DNAH11: variants seen among roughly 807,000 people sequenced by gnomAD.
DNAH11 encodes axonemal beta dynein heavy chain 11.
A neutral mutation model predicts 526.0 loss-of-function variants in DNAH11; 442 were observed. The ratio of observed to expected loss-of-function variants is 0.84; its 90% confidence interval spans 0.78 to 0.91. The LOEUF (loss-of-function observed/expected upper bound fraction) is 0.91. DNAH11 is among the 40% of genes least tolerant of loss of function. The pLI is 0.00. For missense variants in DNAH11, 6,989 were observed against 5,448.7 expected (o/e 1.28, Z -8.90); for synonymous variants, 2,461 against 1,935.9 (o/e 1.27, Z -7.12).
intron 28 of DNAH11, among the ~76,000 whole-genome samples, chr7:21,649,564 G>A (rs776003795): frequency 1.4e-4 from 21 of 152,002 alleles, no homozygotes; most frequent in Non-Finnish European, 2.2e-4. Context: ...TACGTACTAT[G>A]TGAATTCACT....
At chr7:21,877,126 TC>T (rs2128040550) in intron 74 of DNAH11, among the ~76,000 whole-genome samples, 1 of 152,342 alleles carries the variant, frequency 6.6e-6, no homozygotes, top group East Asian at 1.9e-4. Context: ...GACCAGTTGT[TC>T]CTGTTGCCTG....
chr7:21,803,011 T>G (rs1789064653), intron 62 of DNAH11, among the ~76,000 whole-genome samples: 1 of 151,554 alleles, frequency 6.6e-6, no homozygotes, highest in South Asian at 2.1e-4. Context: ...TTTCATGGTA[T>G]GTGAATTATA....
intron 18 of DNAH11, 99 bp from the exon 19 acceptor site, chr7:21,606,327 G>GAA (rs373160486): frequency 5.4e-4 from 445 of 826,750 alleles, no homozygotes; most frequent in Non-Finnish European, 6.3e-4. Context: ...TGTCTCAAGA[G>GAA]AAAAAAAAAA....
chr7:21,608,518 T>G (rs1358872635), intron 20 of DNAH11, among the ~76,000 whole-genome samples: 1 of 152,224 alleles, frequency 6.6e-6, no homozygotes, highest in African/African-American at 2.4e-5. Context: ...GGGTTGAATT[T>G]AGATTTAATT....
intron 54 of DNAH11, among the ~76,000 whole-genome samples, chr7:21,754,944 A>T (rs193185215): frequency 6.6e-6 from 1 of 152,338 alleles, no homozygotes. Flanking sequence ...AGATATCATG[A>T]TATTCACCAG....
At chr7:21,633,434 C>T (rs1786713083) in intron 25 of DNAH11, among the ~76,000 whole-genome samples, 1 of 152,198 alleles carries the variant, frequency 6.6e-6, no homozygotes. Flanking sequence ...TACTGTATTG[C>T]AGTCTATCTC....
chr7:21,619,486 G>T (rs934976951), intron 24 of DNAH11, among the ~76,000 whole-genome samples: 5 of 152,126 alleles, frequency 3.3e-5, no homozygotes, highest in Non-Finnish European at 7.4e-5. Context: ...ACACCACTCT[G>T]AGTGCTTTAT....
intron 28 of DNAH11, among the ~76,000 whole-genome samples, chr7:21,650,784 C>A (rs1351067878): frequency 6.6e-6 from 1 of 151,732 alleles, no homozygotes; most frequent in Non-Finnish European, 1.5e-5. Context: ...GGATTACAGG[C>A]ACATGCTACC....
At chr7:21,751,160 C>T (rs1786395816) in intron 54 of DNAH11, among the ~76,000 whole-genome samples, 1 of 152,064 alleles carries the variant, frequency 6.6e-6, no homozygotes, top group Admixed American at 6.6e-5. Flanking sequence ...CCCATCTCTA[C>T]TAAAAACACA....
In DNAH11 at chr7:21,808,047, A is replaced by G. The variant is rs1789350087; in HGVS notation, c.10330A>G (p.Lys3444Glu). Residue 3444 changes from lysine (K) to glutamate (E), a missense_variant and splice_region_variant, in exon 63 of 82, where the codon AAG (lysine) becomes GAG (glutamate). Lys to Glu is a moderately conservative substitution (Grantham distance 56). Coordinates refer to ENST00000409508, the MANE Select transcript of DNAH11 (RefSeq NM_001277115.2). ...HCKWVPFLQQ[K>E]VSIPLTEGLD... ...CAAGTGGGTTCCCTTTCTTCAACAG[A>G]AGGTAAGTTCAGTTCCTTACCTTGT... 6.5e-7 allele frequency: 1 copy of G among 1,528,168 alleles called. No homozygotes were observed. The highest frequency in any genetic ancestry group is 1.4e-5 in the African/African-American group (1 of 73,644). 94.7% of individuals were successfully genotyped at this position (1,528,168 alleles called of 1,614,324 possible).
At chr7:21,601,723 T>C (rs1343542497) in intron 18 of DNAH11, 105 bp downstream of exon 18, 1 of 764,184 alleles carries the variant, frequency 1.3e-6, no homozygotes, top group Non-Finnish European at 1.9e-6. Context: ...CAATCTATAC[T>C]GTACACATTT....
chr7:21,764,176 T>G (rs755182824), intron 54 of DNAH11, among the ~76,000 whole-genome samples: 65 of 152,156 alleles, frequency 4.3e-4, no homozygotes, highest in Non-Finnish European at 7.9e-4. Context: ...AGAGGGTAGA[T>G]CTCATGTTTT....
intron 38 of DNAH11, among the ~76,000 whole-genome samples, chr7:21,705,110 T>C (rs1283115521): frequency 6.6e-6 from 1 of 152,010 alleles, no homozygotes; most frequent in African/African-American, 2.4e-5. Flanking sequence ...ACATTATCCA[T>C]TTTAGATATT....
intron 49 of DNAH11, 110 bp downstream of exon 49, chr7:21,742,276 T>C: frequency 7.8e-7 from 1 of 1,287,134 alleles, no homozygotes; most frequent in Non-Finnish European, 1.0e-6. Flanking sequence ...CTAGGTAATT[T>C]ATAAAGAAAA....
chr7:21,869,341 C>T (rs75442597), intron 73 of DNAH11, among the ~76,000 whole-genome samples: 2,224 of 143,762 alleles, frequency 0.015, 29 homozygotes, highest in South Asian at 0.025. Context: ...TCTGGGTTGA[C>T]GTTAGAGTCG....
chr7:21,896,690 C>T (rs1459859683), intron 79 of DNAH11, among the ~76,000 whole-genome samples: 1 of 152,148 alleles, frequency 6.6e-6, no homozygotes, highest in African/African-American at 2.4e-5. Flanking sequence ...TGTCTTTCGG[C>T]TGTATACTTG....
intron 14 of DNAH11, among the ~76,000 whole-genome samples, chr7:21,596,002 A>C (rs1329850723): frequency 6.6e-6 from 1 of 152,210 alleles, no homozygotes; most frequent in Non-Finnish European, 1.5e-5. Flanking sequence ...CCAAAACGTA[A>C]AGTACAGTAC....
rs80182538 is a variant in DNAH11 at position 21,654,911 on chromosome 7, G to A, written c.4945-921G>A. 8.4e-3 allele frequency among the ~76,000 whole-genome samples: 1,281 copies of A among 152,210 alleles called. 48 individuals carry two copies. The highest frequency in any genetic ancestry group is 0.079 in the South Asian group (381 of 4,802). On this transcript the variant is annotated intron_variant, in intron 28 of 81. Transcript: ENST00000409508. ...ACACAGGGCAGTGCTCCCCAGAGGA[G>A]GATTGTTCCGGTCTGTGCTAACATA... is the stretch of plus-strand genomic sequence containing the variant.
chr7:21,642,280 G>A (rs1217784147), intron 28 of DNAH11, among the ~76,000 whole-genome samples: 1 of 152,104 alleles, frequency 6.6e-6, no homozygotes, highest in Non-Finnish European at 1.5e-5. Context: ...AGCAGCCTTT[G>A]TGGTACAAAT....
Sources: allele counts gnomAD v4.1 joint callset (sites outside exome capture counted in the v4.1 genomes callset), GRCh38; gene constraint gnomAD v4.1.1; transcripts MANE v1.5; gene names NCBI Gene and HGNC (gene_info 2026-07-23, HGNC 2026-07-21).